Variants in TRPS1 observed in about 807,000 individuals in gnomAD.
TRPS1 encodes transcriptional repressor GATA binding 1, also known as zinc finger transcription factor Trps1.
TRPS1 carries 6 observed loss-of-function variants against 101.2 expected under a neutral mutation model. The ratio of observed to expected loss-of-function variants is 0.06; its 90% CI spans 0.03 to 0.12. The LOEUF (loss-of-function observed/expected upper bound fraction) is 0.12, where lower values mean the gene tolerates loss of function less well. TRPS1 is among the 10% of genes least tolerant of loss of function. The pLI, the probability that TRPS1 is intolerant of heterozygous loss-of-function variation, is 1.00. For missense variants in TRPS1, 1,363 were observed against 1,567.0 expected (o/e 0.87, Z 2.20); for synonymous variants, 578 against 589.8 (o/e 0.98, Z 0.29).
intron 5 of TRPS1, among the ~76,000 whole-genome samples, chr8:115,452,727 T>C (rs1813907543): frequency 6.6e-6 from 1 of 152,188 alleles, no homozygotes; most frequent in Non-Finnish European, 1.5e-5. Context: ...GGCAGTCACC[T>C]GACAAGTATT....
chr8:115,612,776 T>C (rs577211843), intron 3 of TRPS1, among the ~76,000 whole-genome samples: 1 of 152,304 alleles, frequency 6.6e-6, no homozygotes, highest in Admixed American at 6.5e-5. Flanking sequence ...CCTCACTATG[T>C]CCCACCCGTC....
intron 5 of TRPS1, among the ~76,000 whole-genome samples, chr8:115,561,141 A>T (rs1173540898): frequency 2.0e-5 from 3 of 152,194 alleles, no homozygotes; most frequent in South Asian, 2.1e-4. Flanking sequence ...GGTACAAAGT[A>T]AGAGAAGTGT....
chr8:115,554,403 G>A (rs75863947), intron 5 of TRPS1, among the ~76,000 whole-genome samples: 2,003 of 152,240 alleles, frequency 0.013, 42 homozygotes, highest in African/African-American at 0.046. Context: ...AAGTAGAAGG[G>A]CATTTCCGTT....
chr8:115,624,764 A>C (rs1232120085), intron 1 of TRPS1, among the ~76,000 whole-genome samples: 1 of 151,890 alleles, frequency 6.6e-6, no homozygotes, highest in Non-Finnish European at 1.5e-5. Context: ...ATTAGAGCTT[A>C]AAAATAATTC....
chr8:115,418,400 G>C lies in TRPS1; in HGVS notation c.2753C>G (p.Ser918Cys). 1 of 1,614,170 alleles carries C rather than the reference G, an allele frequency of 6.2e-7. No homozygotes were observed. Among genetic ancestry groups the C allele is most frequent in the South Asian group, 1.1e-5 (1 of 91,086 alleles). The change falls in exon 6 of 7, where the codon TCT becomes TGT. Residue 918 changes from serine to cysteine, a missense_variant. Ser to Cys is a moderately radical substitution (Grantham distance 112). Around this residue, in one of 5 missense-constraint regions of TRPS1, gnomAD observed 22 missense variants for 37.9 expected, o/e 0.58. Transcript: ENST00000395715. The surrounding 1 kb of genome is among the most constrained non-coding windows in gnomAD (Gnocchi z 4.3). Reference protein sequence around the residue: ...FCANCLTTKTSLWRKNANGGY... With the variant: ...FCANCLTTKTCLWRKNANGGY... ...GCCATTTGCATTCTTTCGCCAGAGA[G>C]AGGTCTTTGTGGTCAGGCAATTGGC...
intron 5 of TRPS1, 53 bp downstream of exon 5, chr8:115,586,948 C>G (rs1431786223): frequency 6.2e-7 from 1 of 1,609,524 alleles, no homozygotes; most frequent in South Asian, 1.1e-5. Flanking sequence ...AATGTGTGTT[C>G]CTCCTTTTGC....
Position 115,414,732 on chromosome 8 carries a change from G to C in TRPS1, c.3176C>G (p.Thr1059Ser), listed in dbSNP as rs1387450804. Residue 1059 changes from threonine to serine, a missense_variant, in exon 7 of 7, where the codon ACT becomes AGT. Physicochemically the swap from Thr to Ser is moderately conservative, Grantham distance 58 (BLOSUM62 1). This residue lies in a region of TRPS1 where 307 missense variants were observed against 392.4 expected (regional missense o/e 0.78). Coordinates refer to ENST00000395715, the MANE Select transcript of TRPS1 (RefSeq NM_014112.5). This position sits in a 1 kb window ranked among gnomAD's most constrained non-coding sequence, Gnocchi z 4.8. ...GGATGAACTATTTCCTGGATCTCCA[G>C]TACTTTCCTGAGGACTTTTTATCTG... is the stretch of plus-strand genomic sequence containing the variant. ...HIQIKSPQES[T>S]GDPGNSSSVS... The C allele has an allele frequency of 4.3e-6, 7 of 1,614,032 alleles. No homozygotes were observed. The highest frequency in any genetic ancestry group is 5.9e-6 in the Non-Finnish European group (7 of 1,179,946).
At chr8:115,540,263 G>A (rs1436788339) in intron 5 of TRPS1, among the ~76,000 whole-genome samples, 1 of 152,158 alleles carries the variant, frequency 6.6e-6, no homozygotes, top group East Asian at 1.9e-4. Flanking sequence ...TAGTGGGAAA[G>A]TATAATTAAT....
At chr8:115,636,089 C>T (rs997435969) in intron 1 of TRPS1, among the ~76,000 whole-genome samples, 2 of 106,452 alleles carry the variant, frequency 1.9e-5, no homozygotes, top group African/African-American at 7.9e-5. Flanking sequence ...TAATGCCAAT[C>T]GTCCTTTTTT....
At chr8:115,552,819 G>T (rs938337687) in intron 5 of TRPS1, among the ~76,000 whole-genome samples, 1 of 151,736 alleles carries the variant, frequency 6.6e-6, no homozygotes, top group African/African-American at 2.4e-5. Context: ...CTCATTGAAG[G>T]TACTTTATTT....
chr8:115,428,922 T>C (rs902890192), intron 5 of TRPS1, among the ~76,000 whole-genome samples: 12 of 152,284 alleles, frequency 7.9e-5, no homozygotes, highest in Non-Finnish European at 2.9e-5. Flanking sequence ...AATGAAAGAT[T>C]TGTCTTTAAA....
chr8:115,425,979 A>G (rs1287091354), intron 5 of TRPS1, among the ~76,000 whole-genome samples: 1 of 152,220 alleles, frequency 6.6e-6, no homozygotes, highest in East Asian at 1.9e-4. Flanking sequence ...TTGGACAGCT[A>G]AAAATATGGT....
chr8:115,517,299 T>G (rs1408621271), intron 5 of TRPS1, among the ~76,000 whole-genome samples: 1 of 151,660 alleles, frequency 6.6e-6, no homozygotes, highest in African/African-American at 2.4e-5. Context: ...CCTGAAAAGT[T>G]TTGCATAAAT....
intron 5 of TRPS1, among the ~76,000 whole-genome samples, chr8:115,582,308 A>AT (rs1817470144): frequency 6.6e-6 from 1 of 152,178 alleles, no homozygotes; most frequent in African/African-American, 2.4e-5. Context: ...TTGTAAAGGC[A>AT]TTCAACATTG....
intron 5 of TRPS1, among the ~76,000 whole-genome samples, chr8:115,553,585 T>A (rs564800752): frequency 5.6e-4 from 86 of 152,262 alleles, no homozygotes; most frequent in African/African-American, 1.9e-3. Flanking sequence ...CTCTTTGATA[T>A]GAAGGTAGCT....
At chr8:115,658,057 A>G (rs1811714051) in intron 1 of TRPS1, among the ~76,000 whole-genome samples, 1 of 152,096 alleles carries the variant, frequency 6.6e-6, no homozygotes, top group South Asian at 2.1e-4. Flanking sequence ...AAAAATGATG[A>G]TAAAGCAGGG....
chr8:115,600,670 CA>C (rs1817887777), intron 4 of TRPS1, among the ~76,000 whole-genome samples: 1 of 151,816 alleles, frequency 6.6e-6, no homozygotes, highest in Non-Finnish European at 1.5e-5. Flanking sequence ...ACAAAGGCTC[CA>C]AAAATTTTTC....
chr8:115,613,612 C>CTA (rs1207612102), intron 3 of TRPS1, among the ~76,000 whole-genome samples: 6 of 152,174 alleles, frequency 3.9e-5, no homozygotes, highest in Non-Finnish European at 8.8e-5. Context: ...TTATGCAACT[C>CTA]TGTGATCTTG....
intron 3 of TRPS1, among the ~76,000 whole-genome samples, chr8:115,611,860 T>C (rs1380307288): frequency 1.3e-5 from 2 of 152,222 alleles, no homozygotes; most frequent in Admixed American, 6.5e-5. Flanking sequence ...AGCCTTGTTC[T>C]TACTATTATC....
Sources: allele counts gnomAD v4.1 joint callset (sites outside exome capture counted in the v4.1 genomes callset), GRCh38; gene constraint gnomAD v4.1.1; regional missense constraint gnomAD v4.1.1; non-coding constraint Gnocchi (gnomAD v3.1); transcripts MANE v1.5; gene names NCBI Gene and HGNC (gene_info 2026-07-23, HGNC 2026-07-21).